NRG3: variants seen among roughly 807,000 people sequenced by gnomAD.
NRG3 encodes pro-neuregulin-3, membrane-bound isoform.
Under a neutral mutation model 66.9 loss-of-function variants are expected in NRG3, and 31 were observed. That is an observed-to-expected ratio of 0.46 (90% CI 0.35 to 0.63). NRG3 has a LOEUF of 0.63. NRG3 is among the 20% of genes least tolerant of loss of function. NRG3 has a pLI of 0.00. For synonymous variants in NRG3, 393 were observed against 359.4 expected, an observed-to-expected ratio of 1.09 and a Z score of -1.06; for missense variants, 910 against 878.9, an observed-to-expected ratio of 1.04 and a Z score of -0.45.
intron 1 of NRG3, among the ~76,000 whole-genome samples, chr10:82,021,574 A>C (rs2062060466): frequency 6.6e-6 from 1 of 152,118 alleles, no homozygotes; most frequent in African/African-American, 2.4e-5. Flanking sequence ...TCAGTTTGTT[A>C]GAACTGTGTC....
At chr10:82,128,617 C>A (rs764261880) in intron 1 of NRG3, among the ~76,000 whole-genome samples, 2 of 152,022 alleles carry the variant, frequency 1.3e-5, no homozygotes, top group Non-Finnish European at 2.9e-5. Flanking sequence ...TTTACCTTGA[C>A]ATTTCTGATA....
chr10:82,750,642 T>C (rs573736618), intron 3 of NRG3, among the ~76,000 whole-genome samples: 63 of 152,242 alleles, frequency 4.1e-4, no homozygotes, highest in African/African-American at 1.5e-3. Flanking sequence ...TTCTGAGTTA[T>C]AGTAATTTTA....
intron 1 of NRG3, among the ~76,000 whole-genome samples, chr10:82,286,868 G>A (rs1035988002): frequency 7.2e-5 from 11 of 152,202 alleles, no homozygotes; most frequent in Non-Finnish European, 1.5e-4. Flanking sequence ...TTACAGGCGT[G>A]AGCCACCGTG....
chr10:82,655,959 A>G (rs1026075030), intron 2 of NRG3, among the ~76,000 whole-genome samples: 4 of 152,276 alleles, frequency 2.6e-5, no homozygotes, highest in Admixed American at 6.5e-5. Flanking sequence ...GCACTCTGAA[A>G]TTACTGATAT....
chr10:82,398,524 TGTGAGA>T (rs1431827201), intron 2 of NRG3, among the ~76,000 whole-genome samples: 10 of 141,236 alleles, frequency 7.1e-5, no homozygotes, highest in African/African-American at 1.3e-4. Flanking sequence ...TGTGTGTGTG[TGTGAGA>T]GAGAGAGAGA....
At chr10:82,338,498 G>C (rs2082509627) in intron 1 of NRG3, among the ~76,000 whole-genome samples, 1 of 152,250 alleles carries the variant, frequency 6.6e-6, no homozygotes, top group Admixed American at 6.5e-5. Flanking sequence ...AGGCAGACTT[G>C]CCTTATTATC....
chr10:82,094,239 T>C (rs1271243030), intron 1 of NRG3, among the ~76,000 whole-genome samples: 2 of 152,200 alleles, frequency 1.3e-5, no homozygotes, highest in African/African-American at 4.8e-5. Flanking sequence ...GATGGCCTTA[T>C]ATTGAATTGC....
Position 82,870,935 on chromosome 10 carries a change from A to G in NRG3, c.1054+5498A>G, listed in dbSNP as rs373179981. ...AATTTTCAATTTTAATAAAGTCCAG[A>G]TTATAAAATCTTCCTTTTATGTATT... On this transcript the variant is annotated intron_variant, in intron 4 of 8. Coordinates refer to ENST00000372141, the MANE Select transcript of NRG3 (RefSeq NM_001010848.4). Among the ~76,000 whole-genome samples, 31 of 152,300 alleles carry G rather than the reference A, an allele frequency of 2.0e-4. 1 individual carries two copies. Among genetic ancestry groups the G allele is most frequent in the African/African-American group, 7.0e-4 (29 of 41,584 alleles).
intron 1 of NRG3, among the ~76,000 whole-genome samples, chr10:81,896,603 A>G (rs1843547739): frequency 6.6e-6 from 1 of 151,068 alleles, no homozygotes; most frequent in Non-Finnish European, 1.5e-5. Context: ...CCATATAGAT[A>G]TTTAGAAAAG....
At chr10:82,733,377 C>G (rs1041558913) in intron 2 of NRG3, among the ~76,000 whole-genome samples, 2 of 152,160 alleles carry the variant, frequency 1.3e-5, no homozygotes, top group Non-Finnish European at 2.9e-5. Context: ...CTAATACCAT[C>G]TCATTTTTTT....
intron 3 of NRG3, among the ~76,000 whole-genome samples, chr10:82,796,242 A>G (rs1252151076): frequency 1.3e-5 from 2 of 152,190 alleles, no homozygotes; most frequent in African/African-American, 2.4e-5. Context: ...ATTAAAACAA[A>G]CACAACTAGA....
chr10:82,878,192 G>A (rs1202509883), intron 4 of NRG3, among the ~76,000 whole-genome samples: 1 of 152,178 alleles, frequency 6.6e-6, no homozygotes, highest in Non-Finnish European at 1.5e-5. Context: ...GAGCACATTT[G>A]GGAAATGGCA....
Position 82,424,552 on chromosome 10 carries a change from G to A in NRG3, c.953+65684G>A, listed in dbSNP as rs192584122. 5.3e-5 allele frequency among the ~76,000 whole-genome samples: 8 copies of A among 151,884 alleles called. No homozygotes were observed. In the East Asian group the frequency reaches 1.5e-3, roughly 29 times the overall value. ...GTTCAGGATACAAATCCCTTTTGAGGCATATGACATCCAAATATTTATCCA... is the reference window on the plus strand; with the variant it reads ...GTTCAGGATACAAATCCCTTTTGAGACATATGACATCCAAATATTTATCCA... On this transcript the variant is annotated intron_variant, in intron 2 of 8. Coordinates refer to ENST00000372141, the MANE Select transcript of NRG3 (RefSeq NM_001010848.4).
chr10:82,418,203 T>C (rs1564898784), intron 2 of NRG3, among the ~76,000 whole-genome samples: 1 of 152,132 alleles, frequency 6.6e-6, no homozygotes, highest in Non-Finnish European at 1.5e-5. Flanking sequence ...TCACCTTCTC[T>C]CCAGGTGGGG....
intron 2 of NRG3, among the ~76,000 whole-genome samples, chr10:82,702,707 G>A (rs376918697): frequency 6.6e-6 from 1 of 152,030 alleles, no homozygotes; most frequent in Non-Finnish European, 1.5e-5. Context: ...TCTCATCTCC[G>A]ACTTGAAAAC....
At chr10:82,755,167 G>A (rs988924138) in intron 3 of NRG3, among the ~76,000 whole-genome samples, 2 of 151,972 alleles carry the variant, frequency 1.3e-5, no homozygotes, top group Admixed American at 6.6e-5. Context: ...AGCAACCATT[G>A]TAGTATTATC....
At chr10:82,744,976 A>T (rs1008126168) in intron 3 of NRG3, among the ~76,000 whole-genome samples, 32 of 152,272 alleles carry the variant, frequency 2.1e-4, no homozygotes, top group African/African-American at 7.7e-4. Context: ...AGGTGCTACT[A>T]AGGATTAAAA....
At chr10:82,169,335 T>A (rs2133071637) in intron 1 of NRG3, among the ~76,000 whole-genome samples, 1 of 151,988 alleles carries the variant, frequency 6.6e-6, no homozygotes, top group Admixed American at 6.6e-5. Context: ...TCTTAATCAT[T>A]TTTTTTCCCA....
At chr10:82,055,339 T>C (rs1297424903) in intron 1 of NRG3, among the ~76,000 whole-genome samples, 2 of 151,646 alleles carry the variant, frequency 1.3e-5, no homozygotes, top group Admixed American at 6.6e-5. Flanking sequence ...TAGCCAGGCA[T>C]GGTGACAGGC....
Sources: gnomAD v4.1 joint callset for allele counts (sites outside exome capture counted in the v4.1 genomes callset) on GRCh38, gnomAD v4.1.1 for gene constraint, MANE v1.5 for transcripts, NCBI Gene and HGNC (gene_info 2026-07-23, HGNC 2026-07-21) for gene names.